Variants in CDK5RAP2 observed in about 807,000 individuals in gnomAD.
CDK5RAP2 encodes the protein CDK5 regulatory subunit-associated protein 2.
A neutral mutation model predicts 232.9 loss-of-function variants in CDK5RAP2; 147 were observed. That is an observed-to-expected ratio of 0.63 (90% CI 0.55 to 0.72). CDK5RAP2 has a LOEUF of 0.72. Ranked by LOEUF, CDK5RAP2 falls within the 30% of genes least tolerant of loss-of-function variation. The pLI, the probability that CDK5RAP2 is intolerant of heterozygous loss-of-function variation, is 0.00. For synonymous variants in CDK5RAP2, 833 were observed against 833.7 expected, an observed-to-expected ratio of 1.00 and a Z score of 0.01; for missense variants, 2,195 against 2,231.5, an observed-to-expected ratio of 0.98 and a Z score of 0.33.
chr9:120,511,668 C>T (rs2040090604), intron 12 of CDK5RAP2, among the ~76,000 whole-genome samples: 1 of 151,976 alleles, frequency 6.6e-6, no homozygotes, highest in South Asian at 2.1e-4. Flanking sequence ...TTTTGCTTTC[C>T]CTGCCAGGAG....
chr9:120,427,424 C>T (rs1347048501), intron 25 of CDK5RAP2, among the ~76,000 whole-genome samples: 2 of 152,206 alleles, frequency 1.3e-5, no homozygotes, highest in African/African-American at 4.8e-5. Flanking sequence ...AGGTACTGCT[C>T]TCCCCCATAG....
At chr9:120,405,279 A>C (rs2033355532) in intron 32 of CDK5RAP2, among the ~76,000 whole-genome samples, 1 of 152,260 alleles carries the variant, frequency 6.6e-6, no homozygotes, top group Non-Finnish European at 1.5e-5. Context: ...GCTGCTGCCT[A>C]TAATTCTGAT....
At chr9:120,448,245 G>T in intron 21 of CDK5RAP2, 119 bp from the exon 22 acceptor site, 1 of 829,978 alleles carries the variant, frequency 1.2e-6, no homozygotes, top group Non-Finnish European at 2.1e-6. Flanking sequence ...CAGACTTCTC[G>T]TTCCCATAAT....
At chr9:120,480,574 C>T (rs1427096904) in intron 14 of CDK5RAP2, among the ~76,000 whole-genome samples, 2 of 151,826 alleles carry the variant, frequency 1.3e-5, no homozygotes, top group African/African-American at 4.9e-5. Flanking sequence ...ATTTCCATAG[C>T]ATAATTTTTT....
At chr9:120,426,532 C>A (rs2034913303) in intron 25 of CDK5RAP2, among the ~76,000 whole-genome samples, 1 of 152,100 alleles carries the variant, frequency 6.6e-6, no homozygotes, top group South Asian at 2.1e-4. Flanking sequence ...CTGAGTTAAG[C>A]TAAGGGGTTA....
chr9:120,525,762 G>A (rs1212030130), intron 10 of CDK5RAP2, among the ~76,000 whole-genome samples: 2 of 151,828 alleles, frequency 1.3e-5, no homozygotes, highest in African/African-American at 2.4e-5. Flanking sequence ...GACCACAGGC[G>A]CACGCCACCA....
intron 34 of CDK5RAP2, 131 bp downstream of exon 34, chr9:120,402,671 GCTCT>G: frequency 1.0e-6 from 1 of 968,874 alleles, no homozygotes; most frequent in Non-Finnish European, 1.6e-6. Flanking sequence ...TGACCTCTGA[GCTCT>G]CTGAGGCCAC....
chr9:120,504,347 G>A (rs2039711987), intron 12 of CDK5RAP2, among the ~76,000 whole-genome samples: 1 of 152,094 alleles, frequency 6.6e-6, no homozygotes, highest in Non-Finnish European at 1.5e-5. Context: ...TCTGGAACTT[G>A]GGTTCTTATA....
chr9:120,555,395 C>G (rs188836127), intron 3 of CDK5RAP2, among the ~76,000 whole-genome samples: 14 of 152,304 alleles, frequency 9.2e-5, no homozygotes, highest in African/African-American at 3.4e-4. Flanking sequence ...GCCTTGGCCT[C>G]CCAAAGTGCT....
rs112776534 is a variant in CDK5RAP2 at position 120,477,559 on chromosome 9, G to A, written c.1627-109C>T. The A allele has an allele frequency of 9.7e-5, 84 of 866,088 alleles. No homozygotes were observed. In the African/African-American group the frequency reaches 1.2e-3, roughly 13 times the overall value. The allele number at this position is 866,088 out of a possible 1,614,324, so 53.7% of individuals were successfully genotyped here. A position where few individuals can be genotyped will look rare whatever the true frequency, so the allele number is the denominator to read the frequency against. On this transcript the variant is annotated intron_variant, in intron 14 of 37. Transcript: ENST00000349780. ...TCCCAGTTTTTAAAATCAAACGAAG[G>A]TGAGAGAGGCCCTGTGCCTGGCTCT... is the stretch of plus-strand genomic sequence containing the variant.
chr9:120,434,278 G>T, intron 25 of CDK5RAP2, among the ~76,000 whole-genome samples: 1 of 152,180 alleles, frequency 6.6e-6, no homozygotes, highest in East Asian at 1.9e-4. Flanking sequence ...CCCTGAAGGA[G>T]GAGCTGGCCT....
chr9:120,413,838 G>A (rs1454698656), intron 28 of CDK5RAP2, among the ~76,000 whole-genome samples: 3 of 150,546 alleles, frequency 2.0e-5, no homozygotes, highest in Non-Finnish European at 4.4e-5. Flanking sequence ...GGAGGAGGGA[G>A]GAGGGAAGGA....
At chr9:120,574,969 G>A (rs2042979264) in intron 1 of CDK5RAP2, among the ~76,000 whole-genome samples, 1 of 151,944 alleles carries the variant, frequency 6.6e-6, no homozygotes, top group African/African-American at 2.4e-5. Context: ...GGTGGCAGGG[G>A]TGTGGTGGTG....
chr9:120,421,686 A>G (rs2034574771), intron 26 of CDK5RAP2, among the ~76,000 whole-genome samples: 2 of 152,240 alleles, frequency 1.3e-5, no homozygotes, highest in Admixed American at 6.5e-5. Context: ...AGTTGGCCAT[A>G]GACACAAGCT....
chr9:120,518,198 TGTGTGTGTGTGTGAGAGAGAGA>T (rs1163324723), intron 12 of CDK5RAP2, among the ~76,000 whole-genome samples: 31 of 107,334 alleles, frequency 2.9e-4, no homozygotes, highest in African/African-American at 9.2e-4. Flanking sequence ...TGTGTGTGTG[TGTGTGTGTGTGTGAGAGAGAGA>T]GAGAGAGAGA....
rs1477293764 is a variant in CDK5RAP2, at chr9:120,422,559, T to C, written c.4004+134A>G. 10 of 724,404 alleles carry C rather than the reference T, an allele frequency of 1.4e-5. No individual in the cohort carries two copies. The African/African-American group carries it at 1.6e-4, about 11-fold the overall frequency. 44.9% of individuals were successfully genotyped at this position (724,404 alleles called of 1,614,324 possible). ...TTTTGTATGGCCATTGTCAGTTCCA[T>C]AGATGTTTATACCTTATTTACAAGA... On this transcript the variant is annotated intron_variant, in intron 26 of 37. Transcript: ENST00000349780.
intron 12 of CDK5RAP2, among the ~76,000 whole-genome samples, chr9:120,506,275 T>C (rs1367787074): frequency 6.6e-6 from 1 of 152,248 alleles, no homozygotes; most frequent in South Asian, 2.1e-4. Flanking sequence ...CATGGTTTAC[T>C]GAATATTTCA....
chr9:120,467,756 C>T, intron 18 of CDK5RAP2, 104 bp downstream of exon 18: 1 of 1,250,714 alleles, frequency 8.0e-7, no homozygotes, highest in South Asian at 1.2e-5. Flanking sequence ...AGTGATCCTC[C>T]CACCTCAGCC....
chr9:120,435,562 A>T (rs2035533325), intron 25 of CDK5RAP2, among the ~76,000 whole-genome samples: 1 of 152,066 alleles, frequency 6.6e-6, no homozygotes, highest in African/African-American at 2.4e-5. Context: ...CCTAGCACCA[A>T]ATCTTGGTGG....
Sources: allele counts gnomAD v4.1 joint callset (sites outside exome capture counted in the v4.1 genomes callset), GRCh38; gene constraint gnomAD v4.1.1; transcripts MANE v1.5; gene names NCBI Gene and HGNC (gene_info 2026-07-23, HGNC 2026-07-21).